Variants in CNTN3 observed in about 807,000 individuals in gnomAD.
CNTN3 encodes the protein contactin 3, also known as contactin-3.
A neutral mutation model predicts 119.1 loss-of-function variants in CNTN3; 60 were observed. The observed-to-expected ratio is 0.50, with a 90% CI of 0.41 to 0.62. CNTN3 has a LOEUF of 0.62. Among genes scored for constraint, CNTN3 ranks in the 20% least tolerant of loss-of-function variants. The probability of loss-of-function intolerance (pLI) is 0.00; values close to 1 mark genes in which losing one functional copy is unlikely to be tolerated. For synonymous variants in CNTN3, 450 were observed against 438.7 expected, an observed-to-expected ratio of 1.03 and a Z score of -0.32; for missense variants, 1,101 against 1,242.4, an observed-to-expected ratio of 0.89 and a Z score of 1.71.
At chr3:74,319,073 T>A (rs868494335) in intron 13 of CNTN3, among the ~76,000 whole-genome samples, 2 of 152,096 alleles carry the variant, frequency 1.3e-5, no homozygotes, top group Non-Finnish European at 2.9e-5. Flanking sequence ...TCAATATCGT[T>A]TAAATGGCCA....
chr3:74,351,462 A>G (rs1263223503), intron 11 of CNTN3, among the ~76,000 whole-genome samples: 1 of 152,212 alleles, frequency 6.6e-6, no homozygotes, highest in Non-Finnish European at 1.5e-5. Context: ...GGAATTATGT[A>G]ACTTGTCTAA....
chr3:74,421,878 G>A (rs1254520123), intron 5 of CNTN3, among the ~76,000 whole-genome samples: 3 of 152,280 alleles, frequency 2.0e-5, no homozygotes, highest in South Asian at 2.1e-4. Flanking sequence ...GTGATGAAGC[G>A]GGGCTGATAC....
At position 74,433,543 on chromosome 3, in the gene CNTN3, A is replaced by G. The variant is rs76398009; in HGVS notation, c.359-8603T>C. Among the ~76,000 whole-genome samples, 14 of 152,326 alleles carry G rather than the reference A, an allele frequency of 9.2e-5. No homozygotes were observed. In the East Asian group the frequency reaches 2.7e-3, roughly 29 times the overall value. ...GATCTGTTGTTTTGTTCTGAAACAC[A>G]ACCTGGAAAATGCAGGCACAGGGTG... On this transcript the variant is annotated intron_variant, in intron 4 of 22. Transcript: ENST00000263665.
intron 4 of CNTN3, among the ~76,000 whole-genome samples, chr3:74,469,388 AT>A (rs1575757248): frequency 6.6e-6 from 1 of 152,324 alleles, no homozygotes; most frequent in East Asian, 1.9e-4. Context: ...GACTCCAGAG[AT>A]TTAAAGAGAT....
chr3:74,418,342 C>CTTTTTTTTTTTTTT (rs56258495), intron 5 of CNTN3, among the ~76,000 whole-genome samples: 15 of 99,648 alleles, frequency 1.5e-4, no homozygotes, highest in East Asian at 3.5e-4. Context: ...AAACATATTC[C>CTTTTTTTTTTTTTT]TTTTTTTTTT....
intron 5 of CNTN3, among the ~76,000 whole-genome samples, chr3:74,398,420 T>C (rs916288838): frequency 1.3e-5 from 2 of 152,250 alleles, no homozygotes; most frequent in Non-Finnish European, 2.9e-5. Flanking sequence ...AGCAATGAAG[T>C]ATTTTTAAAT....
chr3:74,321,084 G>T (rs1339130143), intron 13 of CNTN3, among the ~76,000 whole-genome samples: 1 of 151,868 alleles, frequency 6.6e-6, no homozygotes, highest in Non-Finnish European at 1.5e-5. Flanking sequence ...CTAAACACTG[G>T]GTATACATGA....
chr3:74,572,888 G>A (rs986153606), intron 1 of CNTN3, among the ~76,000 whole-genome samples: 1 of 152,214 alleles, frequency 6.6e-6, no homozygotes, highest in Non-Finnish European at 1.5e-5. Context: ...TAGAAAACTA[G>A]GAGGGTCTAA....
intron 4 of CNTN3, among the ~76,000 whole-genome samples, chr3:74,453,901 T>C (rs1303398540): frequency 3.3e-5 from 5 of 152,196 alleles, no homozygotes; most frequent in Non-Finnish European, 7.3e-5. Context: ...TCTATTCTTT[T>C]ACATTTGCTG....
At chr3:74,405,963 A>G in intron 5 of CNTN3, among the ~76,000 whole-genome samples, 1 of 152,090 alleles carries the variant, frequency 6.6e-6, no homozygotes, top group East Asian at 1.9e-4. Context: ...ATTAGTAAGG[A>G]TACTGCTTTC....
intron 5 of CNTN3, among the ~76,000 whole-genome samples, chr3:74,404,836 T>C (rs1305942244): frequency 6.6e-6 from 1 of 152,010 alleles, no homozygotes; most frequent in Non-Finnish European, 1.5e-5. Flanking sequence ...GTTTGGATTA[T>C]TGTGATTTTT....
In CNTN3 at chr3:74,394,355, T is replaced by C. The variant is rs560303905; in HGVS notation, c.455-22956A>G. Among the ~76,000 whole-genome samples the C allele has an allele frequency of 5.4e-4, 82 of 152,310 alleles. 3 individuals carry two copies. The South Asian group carries it at 0.017, about 31-fold the overall frequency. On this transcript the variant is annotated intron_variant, in intron 5 of 22. Coordinates refer to ENST00000263665, the MANE Select transcript of CNTN3 (RefSeq NM_020872.3). ...ATACAGTCATAGCAAAATGATGTGA[T>C]TTTGAAGCAGTGTATTATAACGCTA...
chr3:74,510,034 T>C (rs1337423391), intron 2 of CNTN3, among the ~76,000 whole-genome samples: 1 of 79,680 alleles, frequency 1.3e-5, no homozygotes, highest in Admixed American at 1.3e-4. Flanking sequence ...TATATACATA[T>C]ATATAAGTTT....
intron 5 of CNTN3, among the ~76,000 whole-genome samples, chr3:74,394,072 G>T (rs141590180): frequency 1.5e-3 from 222 of 152,230 alleles, no homozygotes; most frequent in Non-Finnish European, 2.7e-3. Context: ...AAAAGAAGAA[G>T]AATAATAAAC....
intron 4 of CNTN3, among the ~76,000 whole-genome samples, chr3:74,441,060 G>T (rs181934255): frequency 6.6e-6 from 1 of 152,056 alleles, no homozygotes; most frequent in Admixed American, 6.5e-5. Flanking sequence ...TCATGTATCT[G>T]AATTTCAAAA....
intron 4 of CNTN3, among the ~76,000 whole-genome samples, chr3:74,446,782 G>A (rs1281590393): frequency 6.7e-6 from 1 of 149,964 alleles, no homozygotes; most frequent in African/African-American, 2.5e-5. Flanking sequence ...CTACCCTAGA[G>A]TATTTTACTT....
intron 13 of CNTN3, among the ~76,000 whole-genome samples, chr3:74,320,464 A>G (rs1472660551): frequency 6.6e-6 from 1 of 152,138 alleles, no homozygotes; most frequent in Non-Finnish European, 1.5e-5. Flanking sequence ...TGGGAATTGA[A>G]CAATGAGAAC....
chr3:74,318,990 A>C (rs1702910020), intron 13 of CNTN3, among the ~76,000 whole-genome samples: 1 of 152,204 alleles, frequency 6.6e-6, no homozygotes, highest in Non-Finnish European at 1.5e-5. Flanking sequence ...AGAAAACTAC[A>C]AACCACTGCT....
chr3:74,296,252 A>C (rs1702336163), intron 18 of CNTN3, among the ~76,000 whole-genome samples: 1 of 152,158 alleles, frequency 6.6e-6, no homozygotes. Flanking sequence ...AAAAATGATA[A>C]GAGGAGAAGA....
Sources: gnomAD v4.1 joint callset for allele counts (sites outside exome capture counted in the v4.1 genomes callset) on GRCh38, gnomAD v4.1.1 for gene constraint, MANE v1.5 for transcripts, NCBI Gene and HGNC (gene_info 2026-07-23, HGNC 2026-07-21) for gene names.